The following MAGI1 variants were observed in gnomAD, a reference collection of about 807,000 sequenced individuals.
MAGI1 encodes the protein membrane associated guanylate kinase, WW and PDZ domain containing 1, also known as membrane-associated guanylate kinase, WW and PDZ domain-containing protein 1.
In MAGI1, 58 loss-of-function variants were observed where a neutral mutation model predicts 139.9. The observed-to-expected ratio is 0.41, with a 90% CI of 0.34 to 0.52. MAGI1 has a LOEUF of 0.52. Among genes scored for constraint, MAGI1 ranks in the 20% least tolerant of loss-of-function variants. The pLI is 0.12. For synonymous variants in MAGI1, 812 were observed against 737.9 expected (o/e 1.10, Z -1.63); for missense variants, 1,874 against 1,901.6 (o/e 0.99, Z 0.27).
intron 2 of MAGI1, among the ~76,000 whole-genome samples, chr3:65,563,695 A>G (rs575334463): frequency 6.6e-5 from 10 of 152,312 alleles, no homozygotes; most frequent in Admixed American, 6.5e-4. Flanking sequence ...ACTTAGTAGC[A>G]GAGTAACCCT....
chr3:65,903,164 T>G (rs1462302118), intron 1 of MAGI1, among the ~76,000 whole-genome samples: 2 of 152,082 alleles, frequency 1.3e-5, no homozygotes, highest in African/African-American at 4.8e-5. Context: ...CCAGCCAATG[T>G]TGTTTATTTT....
chr3:65,983,545 C>A (rs902174273), intron 1 of MAGI1, among the ~76,000 whole-genome samples: 1 of 152,218 alleles, frequency 6.6e-6, no homozygotes, highest in African/African-American at 2.4e-5. Context: ...CGGTGCTCTT[C>A]TCCAAATACA....
intron 1 of MAGI1, among the ~76,000 whole-genome samples, chr3:65,653,010 A>C (rs1365811106): frequency 1.3e-5 from 2 of 152,200 alleles, no homozygotes; most frequent in African/African-American, 4.8e-5. Flanking sequence ...GAAGTCTACC[A>C]GGAGAGCTTA....
intron 12 of MAGI1, among the ~76,000 whole-genome samples, chr3:65,425,531 T>C (rs948746241): frequency 1.3e-5 from 2 of 152,110 alleles, no homozygotes; most frequent in Admixed American, 1.3e-4. Flanking sequence ...TCTTTTAGAT[T>C]AAAAAAATAA....
intron 1 of MAGI1, among the ~76,000 whole-genome samples, chr3:65,748,841 T>C (rs1489849817): frequency 6.6e-6 from 1 of 151,776 alleles, no homozygotes; most frequent in Non-Finnish European, 1.5e-5. Flanking sequence ...TAGTAAACAG[T>C]GGGGTATACA....
rs147385291 is a variant in MAGI1, at chr3:65,382,025, G to A, written c.2553C>T (p.Asp851=). Residue 851 remains aspartate, a synonymous_variant, in exon 16 of 23, where the codon GAC becomes GAT. Coordinates refer to ENST00000402939, the MANE Select transcript of MAGI1 (RefSeq NM_001033057.2). ...ATTCATCTCCAGACCTCAGGCGGCC[G>A]TCAGTATCAGCAGCACCCAGTGGTA... ...HIVPLGAADT[D]GRLRSGDELI... is the part of the protein sequence containing the mutation. 399 of 1,613,998 alleles carry A rather than the reference G, an allele frequency of 2.5e-4. 1 individual carries two copies. The East Asian group carries it at 5.9e-3, about 24-fold the overall frequency.
At chr3:65,477,753 T>A (rs1350412718) in intron 4 of MAGI1, among the ~76,000 whole-genome samples, 4 of 150,742 alleles carry the variant, frequency 2.7e-5, no homozygotes, top group African/African-American at 9.7e-5. Flanking sequence ...AGAGTCTTGT[T>A]CTGTCACCCA....
At chr3:65,974,223 T>C (rs904075414) in intron 1 of MAGI1, among the ~76,000 whole-genome samples, 1 of 151,954 alleles carries the variant, frequency 6.6e-6, no homozygotes, top group African/African-American at 2.4e-5. Flanking sequence ...CTTAGCATCC[T>C]AATCACTATG....
At chr3:65,772,195 CAAGAAA>C (rs1227604446) in intron 1 of MAGI1, among the ~76,000 whole-genome samples, 1 of 151,758 alleles carries the variant, frequency 6.6e-6, no homozygotes. Context: ...GACTCCGTCT[CAAGAAA>C]AAGAAAAAGA....
intron 1 of MAGI1, among the ~76,000 whole-genome samples, chr3:65,940,901 G>A (rs1467494446): frequency 6.6e-6 from 1 of 152,052 alleles, no homozygotes; most frequent in East Asian, 1.9e-4. Context: ...TTCAATTAGG[G>A]AAACTCTAAG....
chr3:65,801,811 G>T (rs984371948), intron 1 of MAGI1, among the ~76,000 whole-genome samples: 1 of 152,034 alleles, frequency 6.6e-6, no homozygotes, highest in Non-Finnish European at 1.5e-5. Flanking sequence ...CCTAAAGCAG[G>T]GGTCCCCAAA....
chr3:65,908,839 A>G (rs570120500), intron 1 of MAGI1, among the ~76,000 whole-genome samples: 2 of 152,316 alleles, frequency 1.3e-5, no homozygotes, highest in South Asian at 2.1e-4. Context: ...ATTAACCATA[A>G]TGACCACTCA....
intron 1 of MAGI1, among the ~76,000 whole-genome samples, chr3:65,869,567 A>AT (rs2059862899): frequency 6.6e-6 from 1 of 151,626 alleles, no homozygotes; most frequent in Non-Finnish European, 1.5e-5. Context: ...CACCCGGCTA[A>AT]TTTTTTGTAT....
intron 1 of MAGI1, among the ~76,000 whole-genome samples, chr3:65,915,261 A>G (rs533217290): frequency 2.2e-4 from 33 of 152,346 alleles, no homozygotes; most frequent in African/African-American, 6.7e-4. Context: ...TTTGAACAGC[A>G]GCTTGTACAT....
intron 12 of MAGI1, among the ~76,000 whole-genome samples, chr3:65,405,672 G>A (rs1021147568): frequency 6.6e-6 from 1 of 151,814 alleles, no homozygotes; most frequent in Non-Finnish European, 1.5e-5. Flanking sequence ...TTGCCTCACT[G>A]CAACCTCCGC....
At chr3:66,032,688 G>T (rs1170755683) in intron 1 of MAGI1, among the ~76,000 whole-genome samples, 3 of 151,708 alleles carry the variant, frequency 2.0e-5, no homozygotes, top group Non-Finnish European at 4.4e-5. Context: ...GGAGGCCAAG[G>T]CGGCAGGCAG....
intron 1 of MAGI1, among the ~76,000 whole-genome samples, chr3:65,898,923 A>G (rs189169392): frequency 6.6e-6 from 1 of 152,214 alleles, no homozygotes; most frequent in East Asian, 1.9e-4. Context: ...AAGAAAATTT[A>G]AAAAAATTTT....
chr3:65,371,222 C>T (rs1386192626), intron 18 of MAGI1, among the ~76,000 whole-genome samples: 2 of 152,172 alleles, frequency 1.3e-5, no homozygotes, highest in Non-Finnish European at 1.5e-5. Flanking sequence ...TAAATCCATA[C>T]ACAAAGCATA....
chr3:65,871,308 TG>T (rs1490123107), intron 1 of MAGI1, among the ~76,000 whole-genome samples: 1 of 150,988 alleles, frequency 6.6e-6, no homozygotes, highest in Non-Finnish European at 1.5e-5. Flanking sequence ...AAGGTGGGAG[TG>T]AGGGAGAGTT....
Sources: allele counts gnomAD v4.1 joint callset (sites outside exome capture counted in the v4.1 genomes callset), GRCh38; gene constraint gnomAD v4.1.1; transcripts MANE v1.5; gene names NCBI Gene and HGNC (gene_info 2026-07-23, HGNC 2026-07-21).